Variants in ARHGAP15 observed in about 807,000 individuals in gnomAD.
ARHGAP15 encodes rho GTPase-activating protein 15.
ARHGAP15 carries 51 observed loss-of-function variants against 63.7 expected under a neutral mutation model. The observed-to-expected ratio is 0.80, with a 90% confidence interval of 0.64 to 1.01. The LOEUF (loss-of-function observed/expected upper bound fraction) is 1.01, where lower values mean the gene tolerates loss of function less well. Among genes scored for constraint, ARHGAP15 ranks in the 50% least tolerant of loss-of-function variants. The probability of loss-of-function intolerance (pLI) is 0.00; values close to 1 mark genes in which losing one functional copy is unlikely to be tolerated. For synonymous variants in ARHGAP15, 191 were observed against 193.8 expected, an observed-to-expected ratio of 0.99 and a Z score of 0.12; for missense variants, 560 against 564.6, an observed-to-expected ratio of 0.99 and a Z score of 0.08.
intron 6 of ARHGAP15, among the ~76,000 whole-genome samples, chr2:143,302,171 A>ATC (rs1682935561): frequency 2.6e-5 from 4 of 151,934 alleles, no homozygotes; most frequent in Non-Finnish European, 5.9e-5. Context: ...TAAGATATGA[A>ATC]TATCAGATGT....
At chr2:143,554,907 A>G (rs912216972) in intron 10 of ARHGAP15, among the ~76,000 whole-genome samples, 2 of 152,142 alleles carry the variant, frequency 1.3e-5, no homozygotes, top group African/African-American at 2.4e-5. Context: ...AGAAACTTTC[A>G]CCACTGGCTA....
intron 6 of ARHGAP15, among the ~76,000 whole-genome samples, chr2:143,415,972 G>T (rs921783199): frequency 1.3e-5 from 2 of 152,010 alleles, no homozygotes; most frequent in Non-Finnish European, 2.9e-5. Context: ...GGGGACTCAA[G>T]GGGAAAGGGT....
intron 6 of ARHGAP15, among the ~76,000 whole-genome samples, chr2:143,336,398 T>C (rs1684776945): frequency 6.6e-6 from 1 of 152,080 alleles, no homozygotes; most frequent in African/African-American, 2.4e-5. Flanking sequence ...ACATGACCAG[T>C]TTAGAAATAG....
At chr2:143,290,153 T>C (rs1682316456) in intron 6 of ARHGAP15, among the ~76,000 whole-genome samples, 4 of 151,938 alleles carry the variant, frequency 2.6e-5, no homozygotes, top group Admixed American at 2.6e-4. Context: ...TCAACACAGC[T>C]CCATGACTTT....
intron 13 of ARHGAP15, among the ~76,000 whole-genome samples, chr2:143,737,275 T>C (rs1331520159): frequency 6.6e-6 from 1 of 152,254 alleles, no homozygotes; most frequent in Non-Finnish European, 1.5e-5. Flanking sequence ...TTTACATGAA[T>C]GCTCCTGGTT....
intron 12 of ARHGAP15, among the ~76,000 whole-genome samples, chr2:143,660,291 T>A (rs1249645224): frequency 2.0e-5 from 3 of 152,206 alleles, no homozygotes; most frequent in Non-Finnish European, 2.9e-5. Flanking sequence ...TCTTTCCTAT[T>A]CTGTAATCCC....
At chr2:143,724,784 G>A (rs1685209262) in intron 13 of ARHGAP15, among the ~76,000 whole-genome samples, 1 of 152,152 alleles carries the variant, frequency 6.6e-6, no homozygotes, top group Non-Finnish European at 1.5e-5. Context: ...AGAATAACTA[G>A]CCAGCAAAGG....
chr2:143,470,635 GTA>G (rs1188511132), intron 8 of ARHGAP15, among the ~76,000 whole-genome samples: 2 of 141,288 alleles, frequency 1.4e-5, no homozygotes, highest in Non-Finnish European at 1.5e-5. Context: ...ACATATGTGT[GTA>G]TATATGTGTG....
chr2:143,703,345 G>A (rs1684176185), intron 12 of ARHGAP15, 74 bp from the exon 13 acceptor site: 1 of 1,274,686 alleles, frequency 7.8e-7, no homozygotes, highest in Admixed American at 2.5e-5. Flanking sequence ...ATTTTCTCAA[G>A]AAAATTTTCT....
chr2:143,238,431 A>C (rs900781199), intron 5 of ARHGAP15: 1 of 152,194 alleles, frequency 6.6e-6, no homozygotes, highest in Non-Finnish European at 1.5e-5. Flanking sequence ...GCAGCCAAAA[A>C]ACATGAAAAA....
At chr2:143,241,534 G>A (rs1384349197) in intron 5 of ARHGAP15, among the ~76,000 whole-genome samples, 1 of 152,178 alleles carries the variant, frequency 6.6e-6, no homozygotes, top group East Asian at 1.9e-4. Context: ...GAGAATGTGG[G>A]AAAGATCTGC....
intron 6 of ARHGAP15, among the ~76,000 whole-genome samples, chr2:143,346,250 T>TCTCACA (rs1553467345): frequency 1.4e-5 from 2 of 138,636 alleles, no homozygotes; most frequent in African/African-American, 2.7e-5. Context: ...ACACACACAC[T>TCTCACA]CACACACACA....
intron 10 of ARHGAP15, among the ~76,000 whole-genome samples, chr2:143,523,686 T>G (rs548154012): frequency 3.9e-5 from 6 of 152,176 alleles, no homozygotes; most frequent in Admixed American, 2.0e-4. Flanking sequence ...AACATTAATT[T>G]TTTTAAGTTT....
At chr2:143,691,008 TA>T (rs1366475250) in intron 12 of ARHGAP15, among the ~76,000 whole-genome samples, 4 of 152,182 alleles carry the variant, frequency 2.6e-5, no homozygotes, top group African/African-American at 9.6e-5. Context: ...AATGAAATTA[TA>T]GCAAGAAATG....
chr2:143,202,320 G>C, intron 3 of ARHGAP15, 118 bp downstream of exon 3: 1 of 798,322 alleles, frequency 1.3e-6, no homozygotes, highest in Non-Finnish European at 2.1e-6. Context: ...AGGAATCAGG[G>C]CACCACTTAG....
chr2:143,438,005 C>T (rs1293024640), intron 8 of ARHGAP15, among the ~76,000 whole-genome samples: 1 of 152,070 alleles, frequency 6.6e-6, no homozygotes, highest in Non-Finnish European at 1.5e-5. Context: ...GCCTGGTTGG[C>T]AACAAAGCAA....
rs1359290053 is a variant in ARHGAP15 at position 143,278,408 on chromosome 2, A to AG, written c.474+27810dup. Among the ~76,000 whole-genome samples the AG allele has an allele frequency of 2.0e-5, 3 of 152,250 alleles. No individual in the cohort carries two copies. The East Asian group carries it at 5.8e-4, about 29-fold the overall frequency. On this transcript the variant is annotated intron_variant, in intron 6 of 13. Coordinates refer to ENST00000295095, the MANE Select transcript of ARHGAP15 (RefSeq NM_018460.4). ...ACCCTATAACCTGCGAGAGGAATGG[A>AG]GGTACCATAGTTGACGAGGAAGGAG...
intron 12 of ARHGAP15, among the ~76,000 whole-genome samples, chr2:143,688,757 A>G (rs1683461052): frequency 6.6e-6 from 1 of 152,212 alleles, no homozygotes. Flanking sequence ...TTTCTTTCCT[A>G]TAAATTCAAA....
rs370347331 is a variant in ARHGAP15 at position 143,540,485 on chromosome 2, A to G, written c.926-15923A>G. On this transcript the variant is annotated intron_variant, in intron 10 of 13. Coordinates refer to ENST00000295095, the MANE Select transcript of ARHGAP15 (RefSeq NM_018460.4). ...CTTCCTAGCCTTGATGGTCTTTACA[A>G]TTTGGCCTGTTTTTTGCAGTGGGTG... Among the ~76,000 whole-genome samples the G allele has an allele frequency of 1.3e-3, 176 of 132,056 alleles. 2 individuals are homozygous for G. Among genetic ancestry groups the G allele is most frequent in the African/African-American group, 4.3e-3 (165 of 38,726 alleles). The allele number at this position is 132,056 out of a possible 152,430, so 86.6% of individuals were successfully genotyped here. A position where few individuals can be genotyped will look rare whatever the true frequency, so the allele number is the denominator to read the frequency against.
Sources: allele counts gnomAD v4.1 joint callset (sites outside exome capture counted in the v4.1 genomes callset), GRCh38; gene constraint gnomAD v4.1.1; transcripts MANE v1.5; gene names NCBI Gene and HGNC (gene_info 2026-07-23, HGNC 2026-07-21).